The following SSH2 variants were observed in gnomAD, a reference collection of about 807,000 sequenced individuals.
SSH2 encodes the protein protein phosphatase Slingshot homolog 2.
Under a neutral mutation model 135.2 loss-of-function variants are expected in SSH2, and 37 were observed. The ratio of observed to expected loss-of-function variants is 0.27; its 90% CI spans 0.21 to 0.36. The LOEUF (loss-of-function observed/expected upper bound fraction) is 0.36, where lower values mean the gene tolerates loss of function less well. SSH2 is among the 10% of genes least tolerant of loss of function. The probability of loss-of-function intolerance (pLI) is 1.00; values close to 1 mark genes in which losing one functional copy is unlikely to be tolerated. For missense variants in SSH2, 1,408 were observed against 1,765.3 expected, an observed-to-expected ratio of 0.80 and a Z score of 3.63; for synonymous variants, 628 against 646.2, an observed-to-expected ratio of 0.97 and a Z score of 0.43.
At chr17:29,779,428 C>T (rs1048695706) in intron 3 of SSH2, among the ~76,000 whole-genome samples, 2 of 152,078 alleles carry the variant, frequency 1.3e-5, no homozygotes, top group Non-Finnish European at 2.9e-5. Flanking sequence ...CTCACCACAC[C>T]CCCTGGTGGC....
chr17:29,731,217 T>C (rs755741899), intron 3 of SSH2, among the ~76,000 whole-genome samples: 18 of 152,314 alleles, frequency 1.2e-4, no homozygotes, highest in Middle Eastern at 3.4e-3. Flanking sequence ...TCTTGCTCTG[T>C]CACTAATGAA....
At chr17:29,638,607 G>A (rs757900492) in intron 14 of SSH2, among the ~76,000 whole-genome samples, 6 of 149,076 alleles carry the variant, frequency 4.0e-5, no homozygotes, top group Non-Finnish European at 8.9e-5. Context: ...GCAGTGAAAC[G>A]ATCAGAGCTC....
intron 3 of SSH2, among the ~76,000 whole-genome samples, chr17:29,728,409 CA>C (rs1214055968): frequency 6.6e-6 from 1 of 151,780 alleles, no homozygotes; most frequent in Non-Finnish European, 1.5e-5. Flanking sequence ...AAGACGACAC[CA>C]AAAAAGGAAA....
intron 1 of SSH2, among the ~76,000 whole-genome samples, chr17:29,904,221 T>C (rs983183701): frequency 6.6e-6 from 1 of 152,102 alleles, no homozygotes; most frequent in African/African-American, 2.4e-5. Flanking sequence ...CGGGCCAATA[T>C]CCTTGGTGAA....
intron 3 of SSH2, among the ~76,000 whole-genome samples, chr17:29,782,989 G>A (rs1407253884): frequency 6.6e-6 from 1 of 152,170 alleles, no homozygotes; most frequent in African/African-American, 2.4e-5. Context: ...CCAAAGCGCT[G>A]TGATTACAGG....
chr17:29,829,233 A>T (rs2042796616), intron 2 of SSH2, among the ~76,000 whole-genome samples: 2 of 152,174 alleles, frequency 1.3e-5, no homozygotes, highest in South Asian at 4.1e-4. Flanking sequence ...TTTAATCTTC[A>T]CACTAATCCT....
Position 29,919,197 on chromosome 17 carries a change from G to T in SSH2, c.63+10741C>A, listed in dbSNP as rs74653552. Among the ~76,000 whole-genome samples, 1,300 of 152,250 alleles carry T rather than the reference G, an allele frequency of 8.5e-3. 10 individuals carry two copies. Among genetic ancestry groups the T allele is most frequent in the Non-Finnish European group, 0.012 (828 of 68,028 alleles). ...GGATTCCCAGCAGTGGTATAAATGA[G>T]TAAGTAAATAAATATGTCTCAGACA... On this transcript the variant is annotated intron_variant, in intron 1 of 15. Coordinates refer to ENST00000540801, the MANE Select transcript of SSH2 (RefSeq NM_001282129.2).
chr17:29,828,165 AG>A (rs1469323477), intron 2 of SSH2, among the ~76,000 whole-genome samples: 1 of 152,250 alleles, frequency 6.6e-6, no homozygotes, highest in African/African-American at 2.4e-5. Flanking sequence ...CTGCCATCAC[AG>A]GAAGTCTTTA....
chr17:29,853,334 C>G (rs906355389), intron 1 of SSH2, among the ~76,000 whole-genome samples: 1 of 151,654 alleles, frequency 6.6e-6, no homozygotes, highest in South Asian at 2.1e-4. Context: ...ATCTGCCCAC[C>G]TCGGCCTCCC....
At chr17:29,771,951 A>G (rs2041595031) in intron 3 of SSH2, among the ~76,000 whole-genome samples, 1 of 152,202 alleles carries the variant, frequency 6.6e-6, no homozygotes, top group Non-Finnish European at 1.5e-5. Flanking sequence ...CATGTCAAAT[A>G]TGTTCAAGAA....
chr17:29,871,995 T>C (rs2065944565), intron 1 of SSH2, among the ~76,000 whole-genome samples: 1 of 152,210 alleles, frequency 6.6e-6, no homozygotes, highest in African/African-American at 2.4e-5. Context: ...CTGTCCTTAA[T>C]ACAACATAGG....
At chr17:29,811,042 G>A (rs879802183) in intron 2 of SSH2, among the ~76,000 whole-genome samples, 2 of 152,010 alleles carry the variant, frequency 1.3e-5, no homozygotes, top group Non-Finnish European at 2.9e-5. Context: ...GTTGCACAAG[G>A]TGGAGTGCGG....
At chr17:29,746,959 A>T (rs1443279819) in intron 3 of SSH2, among the ~76,000 whole-genome samples, 1 of 152,236 alleles carries the variant, frequency 6.6e-6, no homozygotes, top group Non-Finnish European at 1.5e-5. Context: ...TTCCGCAGTC[A>T]CTACAGAAGA....
chr17:29,747,903 A>G (rs2040813775), intron 3 of SSH2, among the ~76,000 whole-genome samples: 1 of 152,246 alleles, frequency 6.6e-6, no homozygotes, highest in Non-Finnish European at 1.5e-5. Context: ...TCTTGGAAAC[A>G]GAGACTGACA....
chr17:29,814,851 T>A (rs2042525879), intron 2 of SSH2, among the ~76,000 whole-genome samples: 1 of 152,100 alleles, frequency 6.6e-6, no homozygotes, highest in Non-Finnish European at 1.5e-5. Flanking sequence ...ACCATCTATA[T>A]TTTCTAAACT....
At chr17:29,897,973 C>T (rs1175984686) in intron 1 of SSH2, among the ~76,000 whole-genome samples, 2 of 152,190 alleles carry the variant, frequency 1.3e-5, no homozygotes, top group Non-Finnish European at 2.9e-5. Flanking sequence ...GATCAAGAAA[C>T]TCACTCAAAA....
At chr17:29,655,756 C>T (rs2036755999) in intron 11 of SSH2, 149 bp from the exon 12 acceptor site, 2 of 633,600 alleles carry the variant, frequency 3.2e-6, no homozygotes, top group Admixed American at 2.7e-5. Flanking sequence ...TATGTTATCA[C>T]ATTTAGTTTT....
chr17:29,853,308 A>G (rs2065600437), intron 1 of SSH2, among the ~76,000 whole-genome samples: 1 of 151,596 alleles, frequency 6.6e-6, no homozygotes, highest in Non-Finnish European at 1.5e-5. Context: ...GATGGTCTCC[A>G]TCTCCTGACC....
chr17:29,717,997 G>A (rs1412766751), intron 3 of SSH2, among the ~76,000 whole-genome samples: 1 of 152,218 alleles, frequency 6.6e-6, no homozygotes. Context: ...TAGAAAATGA[G>A]ACCAAAGAGG....
Sources: gnomAD v4.1 joint callset for allele counts (sites outside exome capture counted in the v4.1 genomes callset) on GRCh38, gnomAD v4.1.1 for gene constraint, MANE v1.5 for transcripts, NCBI Gene and HGNC (gene_info 2026-07-23, HGNC 2026-07-21) for gene names.